CCDC148: variants seen among roughly 807,000 people sequenced by gnomAD.
CCDC148 encodes coiled-coil domain-containing protein 148.
A neutral mutation model predicts 85.7 loss-of-function variants in CCDC148; 89 were observed. The observed-to-expected ratio is 1.04, with a 90% CI of 0.87 to 1.24. The LOEUF (loss-of-function observed/expected upper bound fraction) is 1.24, where lower values mean the gene tolerates loss of function less well. CCDC148 is among the 50% of genes most tolerant of loss of function. CCDC148 has a pLI of 0.00. For synonymous variants in CCDC148, 230 were observed against 213.9 expected, an observed-to-expected ratio of 1.08 and a Z score of -0.66; for missense variants, 692 against 671.7, an observed-to-expected ratio of 1.03 and a Z score of -0.33.
At chr2:158,439,816 C>T (rs1368671569) in intron 1 of CCDC148, among the ~76,000 whole-genome samples, 1 of 152,096 alleles carries the variant, frequency 6.6e-6, no homozygotes, top group African/African-American at 2.4e-5. Context: ...ATTTAAACTA[C>T]AATAAGATGC....
intron 11 of CCDC148, among the ~76,000 whole-genome samples, chr2:158,197,201 A>G (rs1237123171): frequency 6.6e-6 from 1 of 152,204 alleles, no homozygotes; most frequent in East Asian, 1.9e-4. Context: ...ACAGCACTTC[A>G]TCGAAAGAAC....
intron 7 of CCDC148, among the ~76,000 whole-genome samples, chr2:158,336,041 C>T (rs1353022787): frequency 6.6e-6 from 1 of 152,170 alleles, no homozygotes; most frequent in Non-Finnish European, 1.5e-5. Flanking sequence ...TTTCAACTTT[C>T]ATATGGCATA....
At chr2:158,335,629 C>T (rs1682335686) in intron 7 of CCDC148, among the ~76,000 whole-genome samples, 1 of 152,052 alleles carries the variant, frequency 6.6e-6, no homozygotes, top group Admixed American at 6.6e-5. Flanking sequence ...GATCTGGAGA[C>T]TTATTCACTA....
intron 10 of CCDC148, among the ~76,000 whole-genome samples, chr2:158,230,261 C>T (rs969432635): frequency 6.6e-6 from 1 of 152,162 alleles, no homozygotes; most frequent in Non-Finnish European, 1.5e-5. Context: ...AATGGAATAT[C>T]ACATGCTGTA....
intron 1 of CCDC148, among the ~76,000 whole-genome samples, chr2:158,427,477 T>C (rs1428512900): frequency 2.0e-5 from 3 of 152,104 alleles, no homozygotes; most frequent in Non-Finnish European, 4.4e-5. Context: ...GCTGAATCTA[T>C]AGATATTATA....
chr2:158,196,600 CG>C (rs1270148658), intron 11 of CCDC148, among the ~76,000 whole-genome samples: 10 of 152,054 alleles, frequency 6.6e-5, no homozygotes, highest in African/African-American at 2.4e-4. Context: ...GCTTTCCTTT[CG>C]ATATGGTCCA....
chr2:158,429,919 C>A (rs566355757), intron 1 of CCDC148, among the ~76,000 whole-genome samples: 2 of 152,084 alleles, frequency 1.3e-5, no homozygotes, highest in African/African-American at 2.4e-5. Flanking sequence ...GCATTAGTAG[C>A]CTTCAGTAAT....
At chr2:158,175,314 A>G (rs922431490) in intron 13 of CCDC148, among the ~76,000 whole-genome samples, 2 of 137,334 alleles carry the variant, frequency 1.5e-5, no homozygotes, top group Non-Finnish European at 3.1e-5. Context: ...CCTTCTCCCT[A>G]TGTATCCTCC....
chr2:158,229,958 A>G (rs973174355), intron 10 of CCDC148, among the ~76,000 whole-genome samples: 11 of 152,064 alleles, frequency 7.2e-5, no homozygotes, highest in African/African-American at 2.7e-4. Flanking sequence ...CTCCTCACCT[A>G]TGGTATTCCT....
intron 9 of CCDC148, among the ~76,000 whole-genome samples, chr2:158,278,773 A>T (rs903209987): frequency 5.3e-5 from 8 of 152,268 alleles, no homozygotes; most frequent in African/African-American, 1.9e-4. Context: ...TGAAGAGAGC[A>T]GTGGTTCTCC....
At chr2:158,310,549 C>T (rs562653547) in intron 8 of CCDC148, among the ~76,000 whole-genome samples, 6 of 151,074 alleles carry the variant, frequency 4.0e-5, no homozygotes, top group East Asian at 2.0e-4. Flanking sequence ...GGTAGAGGCG[C>T]CCCCCACCTC....
At chr2:158,417,482 C>G (rs1434538545) in intron 1 of CCDC148, among the ~76,000 whole-genome samples, 1 of 152,178 alleles carries the variant, frequency 6.6e-6, no homozygotes, top group Non-Finnish European at 1.5e-5. Flanking sequence ...GGTGCTTGTA[C>G]CTTTCTGCCC....
intron 1 of CCDC148, among the ~76,000 whole-genome samples, chr2:158,435,565 T>C (rs555254751): frequency 6.6e-6 from 1 of 152,180 alleles, no homozygotes; most frequent in South Asian, 2.1e-4. Flanking sequence ...AGAAACTGTA[T>C]AAACTAACAA....
chr2:158,358,025 A>G (rs1683749770), intron 2 of CCDC148, among the ~76,000 whole-genome samples: 1 of 152,188 alleles, frequency 6.6e-6, no homozygotes, highest in Admixed American at 6.5e-5. Flanking sequence ...CTTGGAACAT[A>G]TATTTAAGCC....
intron 9 of CCDC148, among the ~76,000 whole-genome samples, chr2:158,284,970 A>C (rs1195666595): frequency 6.6e-6 from 1 of 152,212 alleles, no homozygotes; most frequent in Non-Finnish European, 1.5e-5. Flanking sequence ...TATCAATTCC[A>C]AAACTGATAA....
At chr2:158,353,902 T>C (rs1683471514) in intron 2 of CCDC148, among the ~76,000 whole-genome samples, 1 of 152,096 alleles carries the variant, frequency 6.6e-6, no homozygotes, top group Non-Finnish European at 1.5e-5. Context: ...GCAATCAAAC[T>C]GGAACTCAGG....
At chr2:158,354,619 AT>A (rs1396489328) in intron 2 of CCDC148, among the ~76,000 whole-genome samples, 2 of 152,176 alleles carry the variant, frequency 1.3e-5, no homozygotes, top group African/African-American at 4.8e-5. Context: ...CCAGGACCAG[AT>A]GGATTCACAG....
intron 1 of CCDC148, among the ~76,000 whole-genome samples, chr2:158,400,766 C>T (rs965225896): frequency 6.6e-6 from 1 of 152,114 alleles, no homozygotes; most frequent in African/African-American, 2.4e-5. Flanking sequence ...TCAGAGTGAA[C>T]AGGCAACCTA....
At chr2:158,339,791 A>G (rs939369888) in intron 5 of CCDC148, among the ~76,000 whole-genome samples, 1 of 152,214 alleles carries the variant, frequency 6.6e-6, no homozygotes, top group African/African-American at 2.4e-5. Context: ...AACAGAAAGA[A>G]GGCCAGCCTG....
Sources: allele counts gnomAD v4.1 joint callset (sites outside exome capture counted in the v4.1 genomes callset), GRCh38; gene constraint gnomAD v4.1.1; transcripts MANE v1.5; gene names NCBI Gene and HGNC (gene_info 2026-07-23, HGNC 2026-07-21).